The following AKAP6 variants were observed in gnomAD, a reference collection of about 807,000 sequenced individuals.
The protein encoded by AKAP6 is A-kinase anchoring protein 6.
In AKAP6, 58 loss-of-function variants were observed where a neutral mutation model predicts 188.5. The ratio of observed to expected loss-of-function variants is 0.31; its 90% CI spans 0.25 to 0.38. The LOEUF (loss-of-function observed/expected upper bound fraction) is 0.38. Among genes scored for constraint, AKAP6 ranks in the 10% least tolerant of loss-of-function variants. The pLI is 1.00. For missense variants in AKAP6, 2,710 were observed against 2,740.0 expected, an observed-to-expected ratio of 0.99 and a Z score of 0.24; for synonymous variants, 989 against 998.6, an observed-to-expected ratio of 0.99 and a Z score of 0.18.
intron 2 of AKAP6, among the ~76,000 whole-genome samples, chr14:32,527,952 A>G (rs1882214585): frequency 1.3e-5 from 2 of 152,172 alleles, no homozygotes; most frequent in South Asian, 2.1e-4. Context: ...TTTAATTTTA[A>G]TGAAGTCAGC....
rs1451298455 is a variant in AKAP6 at position 32,696,167 on chromosome 14, A to T, written c.3000+57A>T. On this transcript the variant is annotated intron_variant, in intron 9 of 13. Transcript: ENST00000280979. ...TGTGGAAGATCTGATTAGCCTGACA[A>T]GTCTCTCTCTCTCTCTCAGGATATC... The T allele has an allele frequency of 3.2e-6, 5 of 1,550,986 alleles. No individual in the cohort carries two copies. In the South Asian group the frequency reaches 5.0e-5, roughly 16 times the overall value.
intron 1 of AKAP6, among the ~76,000 whole-genome samples, chr14:32,431,539 C>G (rs1418485985): frequency 6.6e-6 from 1 of 152,112 alleles, no homozygotes. Context: ...CGTAGTTTCA[C>G]TCTTGTTGCC....
chr14:32,699,795 C>A (rs1302374164), intron 9 of AKAP6, among the ~76,000 whole-genome samples: 1 of 152,202 alleles, frequency 6.6e-6, no homozygotes, highest in Non-Finnish European at 1.5e-5. Context: ...TGCACCCACT[C>A]TCTCACTTTC....
intron 11 of AKAP6, among the ~76,000 whole-genome samples, chr14:32,765,959 T>C: frequency 6.6e-6 from 1 of 152,274 alleles, no homozygotes; most frequent in Admixed American, 6.5e-5. Flanking sequence ...CCAGAAAATC[T>C]TATTTCAGAA....
At position 32,428,920 on chromosome 14, in the gene AKAP6, A is replaced by G. The variant is rs17099103; in HGVS notation, c.-34-4540A>G. On this transcript the variant is annotated intron_variant, in intron 1 of 13. Transcript: ENST00000280979. ...AATCATTACTGCTTTCAGCTATTGC[A>G]CTTTAATTATTGCCTCTTCTTTGGA... 1.2e-3 allele frequency among the ~76,000 whole-genome samples: 181 copies of G among 152,338 alleles called. 3 individuals are homozygous for G. In the East Asian group the frequency reaches 0.03, roughly 25 times the overall value.
At chr14:32,482,975 G>C (rs1317574988) in intron 2 of AKAP6, among the ~76,000 whole-genome samples, 1 of 15,786 alleles carries the variant, frequency 6.3e-5, no homozygotes, top group Non-Finnish European at 8.8e-5. Flanking sequence ...GTGTGTGTCT[G>C]TGTGTGTGTG....
chr14:32,708,953 G>C (rs1377851235), intron 9 of AKAP6, among the ~76,000 whole-genome samples: 1 of 151,994 alleles, frequency 6.6e-6, no homozygotes, highest in African/African-American at 2.4e-5. Context: ...GTGAAGTAAT[G>C]TCTTATAAAC....
rs140531090 is a variant in AKAP6 at position 32,557,548 on chromosome 14, C to A, written c.2346+10549C>A. Among the ~76,000 whole-genome samples the A allele has an allele frequency of 2.7e-3, 407 of 152,330 alleles. 3 individuals are homozygous for A. Among genetic ancestry groups the A allele is most frequent in the African/African-American group, 9.3e-3 (388 of 41,576 alleles). Reference sequence around the variant, plus strand: ...GATTCTGCTATAAATTCAATTCTTACTTGCCTTTGATGTTTCTTTTATACC... The same window carrying A: ...GATTCTGCTATAAATTCAATTCTTAATTGCCTTTGATGTTTCTTTTATACC... On this transcript the variant is annotated intron_variant, in intron 4 of 13. Coordinates refer to ENST00000280979, the MANE Select transcript of AKAP6 (RefSeq NM_004274.5).
rs371092296 is a variant in AKAP6 at position 32,587,516 on chromosome 14, G to A, written c.2469+10274G>A. ...AGGAAGGAACAAGCTTAAGATCAGG[G>A]TAGTTATAATCAAATGAGTGGGTTA... On this transcript the variant is annotated intron_variant, in intron 5 of 13. Coordinates refer to ENST00000280979, the MANE Select transcript of AKAP6 (RefSeq NM_004274.5). Among the ~76,000 whole-genome samples the A allele has an allele frequency of 2.6e-5, 4 of 152,294 alleles. No individual in the cohort carries two copies. The East Asian group carries it at 7.7e-4, about 29-fold the overall frequency.
intron 5 of AKAP6, among the ~76,000 whole-genome samples, chr14:32,590,357 G>A (rs1176797487): frequency 6.6e-6 from 1 of 151,916 alleles, no homozygotes; most frequent in Non-Finnish European, 1.5e-5. Flanking sequence ...TGCTAAGGCC[G>A]GGCACAGTGG....
At chr14:32,475,236 G>A (rs540743778) in intron 2 of AKAP6, among the ~76,000 whole-genome samples, 1 of 152,278 alleles carries the variant, frequency 6.6e-6, no homozygotes, top group African/African-American at 2.4e-5. Context: ...ACACAACACA[G>A]GAAACTGAGG....
At chr14:32,603,274 G>A (rs1003257192) in intron 7 of AKAP6, among the ~76,000 whole-genome samples, 7 of 148,544 alleles carry the variant, frequency 4.7e-5, no homozygotes, top group African/African-American at 1.7e-4. Context: ...GGTGGGGTGG[G>A]ATGAGTGGGG....
At chr14:32,681,044 T>G (rs749771569) in intron 8 of AKAP6, among the ~76,000 whole-genome samples, 11 of 152,200 alleles carry the variant, frequency 7.2e-5, no homozygotes, top group Non-Finnish European at 1.6e-4. Context: ...GTAGCAAAAG[T>G]CAGTGCTTTT....
Position 32,773,865 on chromosome 14 carries a change from G to A in AKAP6, c.3560G>A (p.Arg1187His), listed in dbSNP as rs767206700. The change falls in exon 12 of 14, where the codon CGT becomes CAT. Residue 1187 changes from arginine to histidine, a missense_variant. Physicochemically the swap from Arg to His is conservative, Grantham distance 29. Coordinates refer to ENST00000280979, the MANE Select transcript of AKAP6 (RefSeq NM_004274.5). ...ATGCAAGCCGTCCAGTGGCAAACAC[G>A]TCTACAAAAGAAGATGGGAAAGGAA... is the stretch of plus-strand genomic sequence containing the variant. ...IVMQAVQWQT[R>H]LQKKMGKESE... 1.6e-5 allele frequency: 26 copies of A among 1,613,902 alleles called. No individual in the cohort carries two copies. Among genetic ancestry groups the A allele is most frequent in the Middle Eastern group, 1.6e-4 (1 of 6,084 alleles).
intron 11 of AKAP6, among the ~76,000 whole-genome samples, chr14:32,754,755 A>G (rs2032268690): frequency 6.6e-6 from 1 of 152,144 alleles, no homozygotes; most frequent in South Asian, 2.1e-4. Flanking sequence ...GAAGGACATC[A>G]TTGCCAAATA....
intron 1 of AKAP6, among the ~76,000 whole-genome samples, chr14:32,338,119 T>TA (rs1180689489): frequency 5.3e-5 from 8 of 152,200 alleles, no homozygotes; most frequent in Admixed American, 2.0e-4. Context: ...TTGCTTTAGT[T>TA]AATATCATTT....
At chr14:32,580,822 G>A (rs149243658) in intron 5 of AKAP6, among the ~76,000 whole-genome samples, 2,367 of 152,002 alleles carry the variant, frequency 0.016, 48 homozygotes, top group Non-Finnish European at 0.018. Context: ...TTGTCCTTGC[G>A]ATAGTTTACT....
At position 32,545,477 on chromosome 14, in the gene AKAP6, T is replaced by C; in HGVS notation, c.824T>C (p.Leu275Pro). 1.9e-6 allele frequency: 3 copies of C among 1,614,204 alleles called. No individual in the cohort carries two copies. The highest frequency in any genetic ancestry group is 2.5e-6 in the Non-Finnish European group (3 of 1,180,022). The part of the protein sequence containing the change: ...FPELIRSVGL[L>P]TVAADSISTN... ...GAGCTTATCCGAAGTGTTGGTTTACTTACGGTAGCTGCTGACTCTATCTCT... is the reference window on the plus strand; with the variant it reads ...GAGCTTATCCGAAGTGTTGGTTTACCTACGGTAGCTGCTGACTCTATCTCT... The change falls in exon 4 of 14, where the codon CTT (leucine) becomes CCT (proline). Residue 275 changes from leucine to proline, a missense_variant. By Grantham distance (98) the Leu-to-Pro change is moderately conservative. Transcript: ENST00000280979.
chr14:32,755,249 CTG>C (rs2032287104), intron 11 of AKAP6, among the ~76,000 whole-genome samples: 1 of 151,730 alleles, frequency 6.6e-6, no homozygotes, highest in South Asian at 2.1e-4. Context: ...TTTTCAAGCT[CTG>C]TGGTTTTTTT....
Sources: gnomAD v4.1 joint callset for allele counts (sites outside exome capture counted in the v4.1 genomes callset) on GRCh38, gnomAD v4.1.1 for gene constraint, MANE v1.5 for transcripts, NCBI Gene and HGNC (gene_info 2026-07-23, HGNC 2026-07-21) for gene names.